NEK1: variants seen among roughly 807,000 people sequenced by gnomAD.
NEK1 encodes NIMA related kinase 1.
A neutral mutation model predicts 182.1 loss-of-function variants in NEK1; 137 were observed. The ratio of observed to expected loss-of-function variants is 0.75; its 90% CI spans 0.65 to 0.87. NEK1 has a LOEUF of 0.87. Among genes scored for constraint, NEK1 ranks in the 40% least tolerant of loss-of-function variants. The pLI is 0.00. For synonymous variants in NEK1, 513 were observed against 492.2 expected (o/e 1.04, Z -0.56); for missense variants, 1,391 against 1,494.4 (o/e 0.93, Z 1.14).
chr4:169,538,485 T>C, intron 18 of NEK1, among the ~76,000 whole-genome samples: 1 of 152,212 alleles, frequency 6.6e-6, no homozygotes, highest in East Asian at 1.9e-4. Context: ...ATTTTACTTT[T>C]GTGTCTTTCT....
chr4:169,566,554 C>G (rs1396299712), intron 12 of NEK1, among the ~76,000 whole-genome samples: 1 of 152,040 alleles, frequency 6.6e-6, no homozygotes, highest in Non-Finnish European at 1.5e-5. Flanking sequence ...AAAAAAAAAC[C>G]TATGACTTAC....
Position 169,585,643 on chromosome 4 carries a change from A to G in NEK1, c.607-94T>C, listed in dbSNP as rs963274114. ...GAAATAGTTCTTTTCCTACCAATAT[A>G]GAATAGAAACACAATCCTCTTCCAA... On this transcript the variant is annotated intron_variant, in intron 9 of 35. Transcript: ENST00000507142. 5.2e-6 allele frequency: 4 copies of G among 763,576 alleles called. No individual in the cohort carries two copies. In the Admixed American group the frequency reaches 1.2e-4, roughly 23 times the overall value. 47.3% of individuals were successfully genotyped at this position (763,576 alleles called of 1,614,324 possible).
intron 23 of NEK1, among the ~76,000 whole-genome samples, chr4:169,494,893 CTTCTT>C (rs1750866754): frequency 6.6e-6 from 1 of 152,172 alleles, no homozygotes; most frequent in African/African-American, 2.4e-5. Context: ...GCAGAAATGT[CTTCTT>C]TTGAGAAGCG....
intron 27 of NEK1, among the ~76,000 whole-genome samples, chr4:169,443,342 T>G (rs6851034): frequency 0.2 from 28,924 of 146,520 alleles, 4,497 homozygotes; most frequent in African/African-American, 0.44. Flanking sequence ...AACTAACAAA[T>G]AAAACCCCAA....
chr4:169,521,791 C>G (rs937025725), intron 19 of NEK1, among the ~76,000 whole-genome samples: 1 of 152,110 alleles, frequency 6.6e-6, no homozygotes, highest in East Asian at 1.9e-4. Flanking sequence ...GATGAGAAAC[C>G]TGCTGTTATT....
chr4:169,553,045 T>C (rs914553769), intron 18 of NEK1, among the ~76,000 whole-genome samples: 6 of 152,176 alleles, frequency 3.9e-5, no homozygotes, highest in Non-Finnish European at 7.4e-5. Context: ...TCCCAGCATG[T>C]TAGTCTTTAG....
At chr4:169,435,839 T>C (rs1738316409) in intron 28 of NEK1, among the ~76,000 whole-genome samples, 1 of 152,092 alleles carries the variant, frequency 6.6e-6, no homozygotes, top group African/African-American at 2.4e-5. Flanking sequence ...GCAATACCAG[T>C]TGATGCTACA....
chr4:169,507,168 G>C, intron 22 of NEK1, 36 bp from the exon 23 acceptor site: 59 of 928,522 alleles, frequency 6.4e-5, no homozygotes, highest in Non-Finnish European at 8.9e-5. Flanking sequence ...TGAGTTACCA[G>C]AAAGAAGGGC....
intron 18 of NEK1, among the ~76,000 whole-genome samples, chr4:169,550,355 C>T (rs972942420): frequency 2.8e-4 from 42 of 152,130 alleles, no homozygotes; most frequent in Admixed American, 3.9e-4. Flanking sequence ...TACCCAGTCT[C>T]GGGTATGACT....
intron 31 of NEK1, among the ~76,000 whole-genome samples, chr4:169,422,778 A>T (rs1735704884): frequency 6.6e-6 from 1 of 152,214 alleles, no homozygotes; most frequent in Non-Finnish European, 1.5e-5. Context: ...TCTTAAGGTC[A>T]TAAAAGAAAA....
At chr4:169,550,076 G>A (rs1263585622) in intron 18 of NEK1, among the ~76,000 whole-genome samples, 14 of 152,106 alleles carry the variant, frequency 9.2e-5, no homozygotes, top group Non-Finnish European at 2.1e-4. Context: ...ATCTCAAATT[G>A]AAACTCCCAT....
chr4:169,404,405 G>A (rs1260471260), intron 32 of NEK1, among the ~76,000 whole-genome samples: 1 of 151,856 alleles, frequency 6.6e-6, no homozygotes, highest in African/African-American at 2.4e-5. Flanking sequence ...AAGAAGCAAG[G>A]GCAAGGCTTA....
intron 12 of NEK1, among the ~76,000 whole-genome samples, chr4:169,572,301 A>T (rs1381452292): frequency 3.3e-5 from 5 of 152,208 alleles, no homozygotes; most frequent in Non-Finnish European, 5.9e-5. Context: ...GTCACAATTG[A>T]CAGGATATGA....
At chr4:169,550,607 A>T (rs145445932) in intron 18 of NEK1, among the ~76,000 whole-genome samples, 1 of 152,222 alleles carries the variant, frequency 6.6e-6, no homozygotes, top group South Asian at 2.1e-4. Context: ...AATACATTCA[A>T]TTCTCATTAT....
chr4:169,563,222 C>G (rs943029781), intron 12 of NEK1, among the ~76,000 whole-genome samples: 1 of 151,780 alleles, frequency 6.6e-6, no homozygotes, highest in African/African-American at 2.4e-5. Flanking sequence ...ATTAGCCAGG[C>G]ATGTGGCCCA....
chr4:169,502,076 C>T (rs150166946), intron 23 of NEK1, among the ~76,000 whole-genome samples: 94 of 151,978 alleles, frequency 6.2e-4, no homozygotes, highest in African/African-American at 2.2e-3. Context: ...ACGGATCCCA[C>T]AGAAATACAA....
chr4:169,463,170 A>G (rs1304796872), intron 27 of NEK1, 73 bp downstream of exon 27: 2 of 810,092 alleles, frequency 2.5e-6, no homozygotes, highest in Non-Finnish European at 3.5e-6. Flanking sequence ...TAAAATGGAA[A>G]CATCTTAAAA....
chr4:169,562,995 A>G (rs1206582088), intron 12 of NEK1, among the ~76,000 whole-genome samples: 2 of 152,144 alleles, frequency 1.3e-5, no homozygotes, highest in Non-Finnish European at 1.5e-5. Context: ...ATGGATATAT[A>G]GCATTCTATT....
At chr4:169,431,413 T>C (rs1737405392) in intron 29 of NEK1, among the ~76,000 whole-genome samples, 1 of 152,112 alleles carries the variant, frequency 6.6e-6, no homozygotes, top group Non-Finnish European at 1.5e-5. Flanking sequence ...TGAATAAAAA[T>C]TGTTAAGTAT....
Sources: allele counts gnomAD v4.1 joint callset (sites outside exome capture counted in the v4.1 genomes callset), GRCh38; gene constraint gnomAD v4.1.1; transcripts MANE v1.5; gene names NCBI Gene and HGNC (gene_info 2026-07-23, HGNC 2026-07-21).